The following OTOGL variants were observed in gnomAD, a reference collection of about 807,000 sequenced individuals.
OTOGL encodes otogelin-like protein.
Under a neutral mutation model 318.5 loss-of-function variants are expected in OTOGL, and 285 were observed. The ratio of observed to expected loss-of-function variants is 0.89; its 90% confidence interval spans 0.81 to 0.99. The LOEUF is 0.99. Ranked by LOEUF, OTOGL falls within the 50% of genes least tolerant of loss-of-function variation. The probability of loss-of-function intolerance (pLI) is 0.00; values close to 1 mark genes in which losing one functional copy is unlikely to be tolerated. For missense variants in OTOGL, 2,899 were observed against 2,845.6 expected (o/e 1.02, Z -0.43); for synonymous variants, 987 against 936.5 (o/e 1.05, Z -0.99).
chr12:80,105,061 A>T (rs1301774820), intron 1 of OTOGL, among the ~76,000 whole-genome samples: 2 of 151,990 alleles, frequency 1.3e-5, no homozygotes, highest in Non-Finnish European at 2.9e-5. Flanking sequence ...GCACCATTGC[A>T]CTCTGCACTC....
At chr12:80,292,988 A>G (rs1367015939) in intron 26 of OTOGL, among the ~76,000 whole-genome samples, 1 of 152,246 alleles carries the variant, frequency 6.6e-6, no homozygotes, top group African/African-American at 2.4e-5. Flanking sequence ...TGGAAAGGTT[A>G]TCAAATATCA....
At chr12:80,300,712 G>A (rs982477416) in intron 27 of OTOGL, among the ~76,000 whole-genome samples, 2 of 152,178 alleles carry the variant, frequency 1.3e-5, no homozygotes, top group African/African-American at 2.4e-5. Context: ...GCCTCACAGA[G>A]GAGGGAGCAT....
rs1022469404 is a variant in OTOGL, at chr12:80,238,929, C to A, written c.896C>A (p.Thr299Lys). The change falls in exon 10 of 59, where the codon ACA becomes AAA. Residue 299 changes from threonine (T) to lysine (K), a missense_variant. Transcript: ENST00000547103. ...QTPDDTKCVL[T>K]PSDFPNPCSS... ...CCAGATGACACCAAATGTGTACTCA[C>A]ACCCTCAGATTTTCCAAATCCGTGC... 9.4e-6 allele frequency: 15 copies of A among 1,596,352 alleles called. No individual in the cohort carries two copies. The highest frequency in any genetic ancestry group is 1.7e-4 in the Middle Eastern group (1 of 6,058).
intron 44 of OTOGL, among the ~76,000 whole-genome samples, chr12:80,347,176 C>T (rs771092984): frequency 4.6e-5 from 7 of 151,878 alleles, no homozygotes; most frequent in Non-Finnish European, 1.0e-4. Flanking sequence ...TTCAGGGACA[C>T]ATGTGCAGAA....
intron 31 of OTOGL, among the ~76,000 whole-genome samples, 164 bp downstream of exon 31, chr12:80,313,796 G>A (rs143723478): frequency 2.0e-5 from 3 of 151,982 alleles, no homozygotes; most frequent in Admixed American, 6.5e-5. Flanking sequence ...ATAGAATACC[G>A]AAAGGACTTA....
At chr12:80,105,574 G>A (rs1034489573) in intron 1 of OTOGL, among the ~76,000 whole-genome samples, 1 of 152,134 alleles carries the variant, frequency 6.6e-6, no homozygotes, top group Non-Finnish European at 1.5e-5. Flanking sequence ...CTTTTCACCT[G>A]AAGAGTGAAA....
At chr12:80,277,415 C>A (rs934643658) in intron 24 of OTOGL, among the ~76,000 whole-genome samples, 3 of 146,404 alleles carry the variant, frequency 2.0e-5, no homozygotes, top group Non-Finnish European at 4.5e-5. Flanking sequence ...GATAACACAC[C>A]AAAATTAATT....
chr12:80,142,945 A>G (rs555464172), intron 1 of OTOGL, among the ~76,000 whole-genome samples: 1 of 152,244 alleles, frequency 6.6e-6, no homozygotes, highest in Non-Finnish European at 1.5e-5. Context: ...ATAAAATTAA[A>G]TCTGGAGGAC....
At chr12:80,249,562 C>G (rs1352638622) in intron 11 of OTOGL, among the ~76,000 whole-genome samples, 11 of 151,934 alleles carry the variant, frequency 7.2e-5, no homozygotes, top group African/African-American at 2.4e-4. Context: ...CCACTGCTCT[C>G]TTCAAAGCTG....
intron 11 of OTOGL, among the ~76,000 whole-genome samples, chr12:80,239,836 C>T (rs1273531524): frequency 6.6e-6 from 1 of 151,978 alleles, no homozygotes; most frequent in African/African-American, 2.4e-5. Flanking sequence ...CTTATTTCTT[C>T]TACATGTACA....
intron 44 of OTOGL, among the ~76,000 whole-genome samples, chr12:80,348,715 C>T (rs557204040): frequency 6.6e-6 from 1 of 152,302 alleles, no homozygotes; most frequent in African/African-American, 2.4e-5. Flanking sequence ...TTTCTCCAGC[C>T]ACGTCTTGTG....
intron 1 of OTOGL, among the ~76,000 whole-genome samples, chr12:80,128,629 C>T (rs1410403265): frequency 6.6e-6 from 1 of 152,212 alleles, no homozygotes; most frequent in Admixed American, 6.5e-5. Context: ...CTATGCCCTG[C>T]CCACAGAGGT....
chr12:80,136,022 G>A (rs543328925), intron 1 of OTOGL, among the ~76,000 whole-genome samples: 16 of 152,276 alleles, frequency 1.1e-4, no homozygotes, highest in South Asian at 2.1e-4. Context: ...CATGTGAACC[G>A]ATTCCTTATA....
chr12:80,145,502 G>C (rs989895654), intron 1 of OTOGL, among the ~76,000 whole-genome samples: 2 of 151,880 alleles, frequency 1.3e-5, no homozygotes, highest in African/African-American at 2.4e-5. Context: ...GATGCCTCCA[G>C]CTTTGTTCTT....
At chr12:80,267,919 A>G (rs962826371) in intron 22 of OTOGL, among the ~76,000 whole-genome samples, 1 of 151,932 alleles carries the variant, frequency 6.6e-6, no homozygotes, top group African/African-American at 2.4e-5. Flanking sequence ...TATTAGATAG[A>G]AGTTAGGGGT....
At chr12:80,208,253 T>C (rs549226401) in intron 1 of OTOGL, 9 of 514,904 alleles carry the variant, frequency 1.7e-5, no homozygotes, top group South Asian at 1.3e-4. Context: ...TTATTGGATT[T>C]GGAACACAAA....
In OTOGL at chr12:80,339,081, G is replaced by T; in HGVS notation, c.4867G>T (p.Val1623Leu). The change falls in exon 43 of 59, where the codon GTG becomes TTG. Residue 1623 changes from valine (V) to leucine (L), a missense_variant. Physicochemically the swap from Val to Leu is conservative, Grantham distance 32 (BLOSUM62 1). Coordinates refer to ENST00000547103, the MANE Select transcript of OTOGL (RefSeq NM_001378609.3). ...IVNRLARKVEVDSIVVPLPFS... is the reference protein window; with the variant it reads ...IVNRLARKVELDSIVVPLPFS... Reference sequence around the variant, plus strand: ...TGTATTTATGTTATTCTAGGTAGAAGTGGATTCCATTGTTGTGCCTTTGCC... The same window carrying T: ...TGTATTTATGTTATTCTAGGTAGAATTGGATTCCATTGTTGTGCCTTTGCC... 6.2e-7 allele frequency: 1 copy of T among 1,602,742 alleles called. No individual in the cohort carries two copies. Among genetic ancestry groups the T allele is most frequent in the Non-Finnish European group, 8.5e-7 (1 of 1,171,284 alleles).
At chr12:80,356,358 T>G in intron 47 of OTOGL, 58 bp from the exon 48 acceptor site, 44 of 1,333,598 alleles carry the variant, frequency 3.3e-5, no homozygotes, top group Non-Finnish European at 4.1e-5. Context: ...TTCCCTGCTT[T>G]GAGTTGGCAG....
intron 57 of OTOGL, among the ~76,000 whole-genome samples, chr12:80,375,635 A>G (rs1210259936): frequency 6.6e-6 from 1 of 152,176 alleles, no homozygotes; most frequent in Non-Finnish European, 1.5e-5. Flanking sequence ...AGCCACCCAC[A>G]TGGTGAAGAG....
Sources: gnomAD v4.1 joint callset for allele counts (sites outside exome capture counted in the v4.1 genomes callset) on GRCh38, gnomAD v4.1.1 for gene constraint, MANE v1.5 for transcripts, NCBI Gene and HGNC (gene_info 2026-07-23, HGNC 2026-07-21) for gene names.